PDE1A: variants seen among roughly 807,000 people sequenced by gnomAD.
The protein encoded by PDE1A is dual specificity calcium/calmodulin-dependent 3',5'-cyclic nucleotide phosphodiesterase 1A.
In PDE1A, 35 loss-of-function variants were observed where a neutral mutation model predicts 61.7. That is an observed-to-expected ratio of 0.57 (90% confidence interval 0.43 to 0.75). PDE1A has a LOEUF of 0.75. Among genes scored for constraint, PDE1A ranks in the 30% least tolerant of loss-of-function variants. The pLI is 0.00. For synonymous variants in PDE1A, 232 were observed against 213.2 expected (o/e 1.09, Z -0.77); for missense variants, 597 against 630.6 (o/e 0.95, Z 0.57).
chr2:182,639,514 G>T, the PDE1A span, among the ~76,000 whole-genome samples: 1 of 152,152 alleles, frequency 6.6e-6, no homozygotes, highest in African/African-American at 2.4e-5. Context: ...GTTGCAGTGA[G>T]CCAAGATCAT....
rs536038509 is a variant in PDE1A, at chr2:182,517,813, G to GCTGCC, written c.101+4458_101+4462dup. On this transcript the variant is annotated intron_variant, in intron 2 of 14. Coordinates refer to the PDE1A transcript ENST00000410103. ...AGGACATTTAGCCTACCCGGACCCTGCTGCCCACTAAATGCAGAAACACCT... is the reference window on the plus strand; with the variant it reads ...AGGACATTTAGCCTACCCGGACCCTGCTGCCCTGCCCACTAAATGCAGAAACACCT... Among the ~76,000 whole-genome samples, 217 of 152,258 alleles carry GCTGCC rather than the reference G, an allele frequency of 1.4e-3. 1 individual carries two copies. Among genetic ancestry groups the GCTGCC allele is most frequent in the Non-Finnish European group, 2.0e-3 (133 of 68,012 alleles).
intron 13 of PDE1A, among the ~76,000 whole-genome samples, chr2:182,161,702 T>C (rs997219717): frequency 6.6e-6 from 1 of 152,124 alleles, no homozygotes; most frequent in Non-Finnish European, 1.5e-5. Flanking sequence ...AGGTGCGCTA[T>C]ACTCCAAAAG....
At chr2:182,247,435 GA>G (rs1458602529) in intron 2 of PDE1A, among the ~76,000 whole-genome samples, 2 of 152,126 alleles carry the variant, frequency 1.3e-5, no homozygotes, top group East Asian at 3.9e-4. Flanking sequence ...GAAGAAAGTT[GA>G]AAAACAGGTA....
the PDE1A span, among the ~76,000 whole-genome samples, chr2:182,645,221 C>T: frequency 1.1e-4 from 17 of 152,210 alleles, no homozygotes; most frequent in African/African-American, 3.1e-4. Context: ...CTCCTGACCT[C>T]GTGATCTGCC....
chr2:182,432,452 G>A (rs1375803281), intron 2 of PDE1A, among the ~76,000 whole-genome samples: 2 of 151,902 alleles, frequency 1.3e-5, no homozygotes, highest in Non-Finnish European at 2.9e-5. Context: ...TGTTGTAGTT[G>A]TTGTTGTTAT....
At chr2:182,149,572 C>T (rs913246073) in intron 13 of PDE1A, among the ~76,000 whole-genome samples, 1 of 152,146 alleles carries the variant, frequency 6.6e-6, no homozygotes, top group African/African-American at 2.4e-5. Context: ...ATAGCAGAGT[C>T]CTCAGCAAAT....
chr2:182,602,347 A>G, the PDE1A span, among the ~76,000 whole-genome samples: 1 of 152,200 alleles, frequency 6.6e-6, no homozygotes, highest in East Asian at 1.9e-4. Context: ...CAGCATGATG[A>G]CAGCGGTTGT....
At chr2:182,188,844 C>T in intron 11 of PDE1A, 135 bp downstream of exon 11, 3 of 625,874 alleles carry the variant, frequency 4.8e-6, no homozygotes, top group South Asian at 4.4e-5. Flanking sequence ...CACATAGATC[C>T]ATTTAAAAAT....
chr2:182,597,450 G>A, the PDE1A span, among the ~76,000 whole-genome samples: 3 of 152,158 alleles, frequency 2.0e-5, no homozygotes, highest in South Asian at 2.1e-4. Context: ...AGAAGCCAGC[G>A]CTTGCAGGCT....
At chr2:182,179,487 AG>A (rs1222765068) in intron 13 of PDE1A, among the ~76,000 whole-genome samples, 1 of 152,228 alleles carries the variant, frequency 6.6e-6, no homozygotes, top group Admixed American at 6.5e-5. Flanking sequence ...GCTTAAAAAA[AG>A]AATGATTATC....
chr2:182,587,423 C>T, the PDE1A span, among the ~76,000 whole-genome samples: 2 of 152,136 alleles, frequency 1.3e-5, no homozygotes, highest in African/African-American at 2.4e-5. Context: ...ATACAGAGAC[C>T]ATCAATCTTC....
intron 2 of PDE1A, among the ~76,000 whole-genome samples, chr2:182,435,670 G>A (rs1684351768): frequency 6.6e-6 from 1 of 152,040 alleles, no homozygotes; most frequent in South Asian, 2.1e-4. Flanking sequence ...TTCAGTCAGT[G>A]GAAAGCTGTT....
intron 13 of PDE1A, among the ~76,000 whole-genome samples, chr2:182,179,918 G>C (rs932367813): frequency 1.3e-5 from 2 of 152,170 alleles, no homozygotes; most frequent in South Asian, 2.1e-4. Context: ...ATGTTTTTGC[G>C]ATATCTGTGA....
At chr2:182,332,575 T>C (rs1389924529) in intron 1 of PDE1A, among the ~76,000 whole-genome samples, 2 of 152,200 alleles carry the variant, frequency 1.3e-5, no homozygotes, top group Non-Finnish European at 2.9e-5. Flanking sequence ...TTGATGTTGA[T>C]GCTATTCCTT....
chr2:182,219,913 A>G (rs1189031770), intron 7 of PDE1A, among the ~76,000 whole-genome samples: 1 of 152,230 alleles, frequency 6.6e-6, no homozygotes, highest in East Asian at 1.9e-4. Flanking sequence ...GTACACAATA[A>G]AAACTATTTA....
chr2:182,151,785 A>G (rs1383602426), intron 13 of PDE1A, among the ~76,000 whole-genome samples: 1 of 152,242 alleles, frequency 6.6e-6, no homozygotes, highest in Non-Finnish European at 1.5e-5. Flanking sequence ...TCATGTAGAT[A>G]TAAAAAACAA....
upstream of PDE1A, chr2:182,427,135 T>A: frequency 3.0e-6 from 1 of 333,636 alleles, no homozygotes; most frequent in Non-Finnish European, 4.3e-6. Flanking sequence ...CCCATGTGAG[T>A]ACCCTCTGAA....
At chr2:182,443,058 C>T (rs1335409184) in intron 2 of PDE1A, among the ~76,000 whole-genome samples, 2 of 151,806 alleles carry the variant, frequency 1.3e-5, no homozygotes, top group Non-Finnish European at 2.9e-5. Flanking sequence ...CAGGTAAATC[C>T]CCCTTCTGAG....
At chr2:182,147,262 C>T in intron 13 of PDE1A, 110 bp from the exon 14 acceptor site, 1 of 567,014 alleles carries the variant, frequency 1.8e-6, no homozygotes, top group Non-Finnish European at 3.0e-6. Context: ...CTGAATTTTA[C>T]AATGGATTTT....
Sources: allele counts gnomAD v4.1 joint callset (sites outside exome capture counted in the v4.1 genomes callset), GRCh38; gene constraint gnomAD v4.1.1; transcripts MANE v1.5; gene names NCBI Gene and HGNC (gene_info 2026-07-23, HGNC 2026-07-21).